SNX14: variants seen among roughly 807,000 people sequenced by gnomAD.
SNX14 encodes sorting nexin 14.
In SNX14, 93 loss-of-function variants were observed where a neutral mutation model predicts 133.8. The ratio of observed to expected loss-of-function variants is 0.70; its 90% confidence interval spans 0.59 to 0.83. The LOEUF is 0.83. Ranked by LOEUF, SNX14 falls within the 40% of genes least tolerant of loss-of-function variation. The probability of loss-of-function intolerance (pLI) is 0.00; values close to 1 mark genes in which losing one functional copy is unlikely to be tolerated. For missense variants in SNX14, 945 were observed against 1,094.9 expected (o/e 0.86, Z 1.93); for synonymous variants, 368 against 365.6 (o/e 1.01, Z -0.07).
chr6:85,533,718 G>A lies in SNX14; in HGVS notation c.1691C>T (p.Ala564Val), dbSNP rs958925358. The change falls in exon 18 of 29, where the codon GCA becomes GTA. Residue 564 changes from alanine (A) to valine (V), a missense_variant. Transcript: ENST00000314673. ...STPNTPRNLA[A>V]WKISIPYVDF... is the part of the protein sequence containing the mutation. Reference sequence around the variant, plus strand: ...TACATATGGAATGCTAATTTTCCATGCAGCAAGGTTTCGGGGAGTATTAGG... The same window carrying A: ...TACATATGGAATGCTAATTTTCCATACAGCAAGGTTTCGGGGAGTATTAGG... The A allele has an allele frequency of 1.2e-6, 2 of 1,613,812 alleles. No homozygotes were observed. The highest frequency in any genetic ancestry group is 1.7e-6 in the Non-Finnish European group (2 of 1,180,010).
At chr6:85,588,993 A>T in intron 1 of SNX14, 1 of 435,422 alleles carries the variant, frequency 2.3e-6, no homozygotes, top group Non-Finnish European at 4.6e-6. Flanking sequence ...GGGATGCAGA[A>T]GTGGCAGGCA....
intron 1 of SNX14, among the ~76,000 whole-genome samples, chr6:85,574,757 G>C (rs557753036): frequency 6.6e-6 from 1 of 152,112 alleles, no homozygotes; most frequent in East Asian, 1.9e-4. Flanking sequence ...TATAGACAGA[G>C]GTAGGCCCTG....
chr6:85,553,248 C>A (rs1788427612), intron 7 of SNX14, among the ~76,000 whole-genome samples: 1 of 152,166 alleles, frequency 6.6e-6, no homozygotes, highest in Admixed American at 6.5e-5. Flanking sequence ...AGGCTATCTG[C>A]ATTTGTGGGT....
intron 1 of SNX14, among the ~76,000 whole-genome samples, chr6:85,591,734 G>C (rs994917928): frequency 2.0e-5 from 3 of 152,186 alleles, no homozygotes; most frequent in Admixed American, 6.5e-5. Context: ...TATGGGCTGC[G>C]TGCAGTCGCT....
At chr6:85,558,173 C>A (rs528158296) in intron 6 of SNX14, 113 bp from the exon 7 acceptor site, 1 of 606,850 alleles carries the variant, frequency 1.6e-6, no homozygotes, top group Non-Finnish European at 2.9e-6. Context: ...TATTCAGAAT[C>A]TTTCAAAAAT....
rs529690951 is a variant in SNX14, at chr6:85,539,877, A to G, written c.1449-1013T>C. Among the ~76,000 whole-genome samples the G allele has an allele frequency of 1.5e-4, 23 of 152,002 alleles. 2 individuals are homozygous for G. The highest frequency in any genetic ancestry group is 4.8e-4 in the African/African-American group (20 of 41,564). On this transcript the variant is annotated intron_variant, in intron 15 of 28. Coordinates refer to ENST00000314673, the MANE Select transcript of SNX14 (RefSeq NM_153816.6). ...TAATCAAGTGTTCTAAAAGTAGCCA[A>G]GAAGGCTTTTCATCTCTGAAGTTAT...
intron 6 of SNX14, among the ~76,000 whole-genome samples, chr6:85,562,164 A>T (rs762440580): frequency 5.9e-5 from 9 of 152,190 alleles, no homozygotes; most frequent in Non-Finnish European, 1.3e-4. Flanking sequence ...TGCAAAGAAC[A>T]TGATTTCATT....
At chr6:85,516,487 C>G (rs1016247229) in intron 23 of SNX14, among the ~76,000 whole-genome samples, 7 of 151,830 alleles carry the variant, frequency 4.6e-5, no homozygotes, top group African/African-American at 1.2e-4. Flanking sequence ...ATGACTTTAC[C>G]AACTCTATCA....
chr6:85,536,603 C>T (rs935136439), intron 17 of SNX14, among the ~76,000 whole-genome samples, 189 bp downstream of exon 17: 3 of 151,900 alleles, frequency 2.0e-5, no homozygotes, highest in Admixed American at 6.6e-5. Context: ...ATTAGATTCA[C>T]GTCATGAAAC....
rs1784334432 is a variant in SNX14 at position 85,543,164 on chromosome 6, G to A, written c.1389+18C>T. The A allele has an allele frequency of 2.6e-6, 4 of 1,512,892 alleles. No individual in the cohort carries two copies. The highest frequency in any genetic ancestry group is 3.5e-6 in the Non-Finnish European group (4 of 1,134,580). The allele number at this position is 1,512,892 out of a possible 1,614,324, so 93.7% of individuals were successfully genotyped here. On this transcript the variant is annotated intron_variant, in intron 14 of 28. Transcript: ENST00000314673. ...TTATGTATAAAAATCCTCAAACAAG[G>A]TTAATATTTTGACTTACCTCATCAC...
intron 7 of SNX14, among the ~76,000 whole-genome samples, chr6:85,555,299 G>A (rs370605433): frequency 6.6e-6 from 1 of 152,130 alleles, no homozygotes; most frequent in South Asian, 2.1e-4. Context: ...GCTTATAACA[G>A]CATTATTTAT....
At position 85,513,786 on chromosome 6, in the gene SNX14, CT is replaced by C. The variant is rs1301006458; in HGVS notation, c.2653+13del. Reference sequence around the variant, plus strand: ...TAATCTATATGAAATTAAGTTACTTCTTAAATATTACACCTGGAATGTAATT... The same window carrying C: ...TAATCTATATGAAATTAAGTTACTTCTAAATATTACACCTGGAATGTAATT... On this transcript the variant is annotated intron_variant, in intron 26 of 28. Transcript: ENST00000314673. The C allele has an allele frequency of 6.3e-7, 1 of 1,582,000 alleles. No individual in the cohort carries two copies.
intron 7 of SNX14, among the ~76,000 whole-genome samples, chr6:85,551,487 G>C (rs1368525867): frequency 6.6e-6 from 1 of 152,186 alleles, no homozygotes; most frequent in East Asian, 1.9e-4. Context: ...TCAGCATTCA[G>C]CTGTATCAAC....
chr6:85,563,192 ATAGAG>A (rs1477253574), intron 6 of SNX14, among the ~76,000 whole-genome samples: 1 of 152,142 alleles, frequency 6.6e-6, no homozygotes, highest in Non-Finnish European at 1.5e-5. Context: ...TCAGATAGGT[ATAGAG>A]TAATTTAACA....
intron 15 of SNX14, among the ~76,000 whole-genome samples, chr6:85,540,160 C>T (rs1783217952): frequency 6.6e-6 from 1 of 152,042 alleles, no homozygotes; most frequent in Admixed American, 6.6e-5. Flanking sequence ...CAGGGTTTCA[C>T]CATGTTGGCC....
At chr6:85,525,882 T>C (rs964616799) in intron 21 of SNX14, among the ~76,000 whole-genome samples, 3 of 152,120 alleles carry the variant, frequency 2.0e-5, no homozygotes, top group Non-Finnish European at 4.4e-5. Flanking sequence ...TTTAACAAAA[T>C]AAATTTATAA....
chr6:85,522,090 A>C (rs1777078449), intron 21 of SNX14, among the ~76,000 whole-genome samples: 1 of 152,154 alleles, frequency 6.6e-6, no homozygotes. Flanking sequence ...TAATACCTTT[A>C]CAGGTTTCTA....
chr6:85,558,761 C>T (rs749325684), intron 6 of SNX14, among the ~76,000 whole-genome samples: 1 of 152,172 alleles, frequency 6.6e-6, no homozygotes, highest in East Asian at 1.9e-4. Flanking sequence ...AGGCATTAGC[C>T]ACCATGCCCA....
chr6:85,593,116 G>A (rs2128254475), intron 1 of SNX14, among the ~76,000 whole-genome samples: 1 of 152,310 alleles, frequency 6.6e-6, no homozygotes, highest in East Asian at 1.9e-4. Context: ...CAATACTGCG[G>A]GAAAAGCTTC....
Sources: gnomAD v4.1 joint callset for allele counts (sites outside exome capture counted in the v4.1 genomes callset) on GRCh38, gnomAD v4.1.1 for gene constraint, MANE v1.5 for transcripts, NCBI Gene and HGNC (gene_info 2026-07-23, HGNC 2026-07-21) for gene names.